Variants in TRIM16 observed in about 807,000 individuals in gnomAD.
The protein encoded by TRIM16 is tripartite motif containing 16, also known as tripartite motif-containing protein 16.
Under a neutral mutation model 50.4 loss-of-function variants are expected in TRIM16, and 33 were observed. The ratio of observed to expected loss-of-function variants is 0.65; its 90% CI spans 0.50 to 0.88. TRIM16 has a LOEUF of 0.88. Among genes scored for constraint, TRIM16 ranks in the 40% least tolerant of loss-of-function variants. The pLI, the probability that TRIM16 is intolerant of heterozygous loss-of-function variation, is 0.00. For missense variants in TRIM16, 581 were observed against 686.8 expected, an observed-to-expected ratio of 0.85 and a Z score of 1.72; for synonymous variants, 229 against 270.7, an observed-to-expected ratio of 0.85 and a Z score of 1.51.
At chr17:15,629,383 A>C (rs1421519877) in intron 11 of TRIM16, among the ~76,000 whole-genome samples, 185 bp from the exon 12 acceptor site, 1 of 152,232 alleles carries the variant, frequency 6.6e-6, no homozygotes, top group Non-Finnish European at 1.5e-5. Context: ...AGAGAGCACA[A>C]ATCATCTACT....
chr17:15,639,149 C>T (rs1424959871), intron 8 of TRIM16, among the ~76,000 whole-genome samples: 2 of 135,600 alleles, frequency 1.5e-5, no homozygotes, highest in Non-Finnish European at 3.1e-5. Context: ...CAGGCTCAAA[C>T]GATCTTCCAC....
chr17:15,665,865 C>A (rs1380160811), intron 6 of TRIM16, among the ~76,000 whole-genome samples: 2 of 152,146 alleles, frequency 1.3e-5, no homozygotes, highest in Non-Finnish European at 2.9e-5. Context: ...GACTTTCTCA[C>A]AGGCACCTTG....
In TRIM16 at chr17:15,651,297, A is replaced by AT. The variant is rs1987687180; in HGVS notation, c.312_313insA (p.Leu105IlefsTer41). 6.2e-7 allele frequency: 1 copy of AT among 1,614,132 alleles called. No individual in the cohort carries two copies. Among genetic ancestry groups the AT allele is most frequent in the African/African-American group, 1.3e-5 (1 of 74,938 alleles). On this transcript the variant is annotated frameshift_variant, in exon 7 of 12. Coordinates refer to ENST00000649191, the MANE Select transcript of TRIM16 (RefSeq NM_001348119.1). LOFTEE classifies it high-confidence loss of function. Reference sequence around the variant, plus strand: ...TTGATGTTCACCTGATGCGGCTGCAAGTGCTCTTCACAGTAATTCACCATG... The same window carrying AT: ...TTGATGTTCACCTGATGCGGCTGCAATGTGCTCTTCACAGTAATTCACCATG...
intron 6 of TRIM16, among the ~76,000 whole-genome samples, chr17:15,669,976 G>C (rs941160228): frequency 6.6e-6 from 1 of 152,150 alleles, no homozygotes; most frequent in Non-Finnish European, 1.5e-5. Context: ...AATCTCCCCT[G>C]GTTGAGAACC....
intron 7 of TRIM16, among the ~76,000 whole-genome samples, chr17:15,647,828 C>T (rs977911292): frequency 6.6e-6 from 1 of 151,030 alleles, no homozygotes; most frequent in African/African-American, 2.5e-5. Context: ...CACACACACA[C>T]ACACACACAC....
intron 3 of TRIM16, 83 bp downstream of exon 3, chr17:15,682,771 C>A (rs1414890348): frequency 1.6e-6 from 2 of 1,273,676 alleles, no homozygotes; most frequent in Non-Finnish European, 2.0e-6. Flanking sequence ...GGAAAGAGTA[C>A]GGAAGTAAGG....
At chr17:15,670,902 T>C (rs1348400234) in intron 6 of TRIM16, among the ~76,000 whole-genome samples, 2 of 152,262 alleles carry the variant, frequency 1.3e-5, no homozygotes, top group Non-Finnish European at 2.9e-5. Context: ...AATATACAAA[T>C]GAATATTGTC....
At chr17:15,674,829 G>T (rs148763736) in intron 6 of TRIM16, among the ~76,000 whole-genome samples, 1 of 152,152 alleles carries the variant, frequency 6.6e-6, no homozygotes. Flanking sequence ...CTCCCGGGGG[G>T]TGATCACAAA....
chr17:15,648,186 G>A (rs1319453928), intron 7 of TRIM16, among the ~76,000 whole-genome samples: 15 of 148,682 alleles, frequency 1.0e-4, no homozygotes, highest in Non-Finnish European at 3.0e-5. Context: ...AGATTGCACC[G>A]CTGCACTCCA....
At chr17:15,671,669 CAA>C (rs775814509) in intron 6 of TRIM16, among the ~76,000 whole-genome samples, 2 of 152,036 alleles carry the variant, frequency 1.3e-5, no homozygotes, top group Non-Finnish European at 2.9e-5. Flanking sequence ...AAGCCCTAAA[CAA>C]AGATAGGTTT....
At chr17:15,642,421 C>A (rs886854194) in intron 8 of TRIM16, among the ~76,000 whole-genome samples, 2 of 148,622 alleles carry the variant, frequency 1.3e-5, no homozygotes, top group Non-Finnish European at 3.0e-5. Flanking sequence ...CCCAGCCCCC[C>A]ACACACATAC....
chr17:15,647,218 C>T lies in TRIM16; in HGVS notation c.519+3873G>A, dbSNP rs1332577719. Among the ~76,000 whole-genome samples the T allele has an allele frequency of 6.0e-5, 9 of 151,016 alleles. No homozygotes were observed. The South Asian group carries it at 6.2e-4, about 10-fold the overall frequency. ...AACTCCTGACCTCAGGTGATCCACC[C>T]GCCTCGGCCTGCCAAAGTGCTGGGA... On this transcript the variant is annotated intron_variant, in intron 7 of 11. Transcript: ENST00000649191.
chr17:15,684,308 A>G lies in TRIM16; in HGVS notation c.-1011T>C, dbSNP rs1231988023. 2 of 152,268 alleles carry G rather than the reference A, an allele frequency of 1.3e-5. No homozygotes were observed. Among genetic ancestry groups the G allele is most frequent in the African/African-American group, 2.4e-5 (1 of 41,462 alleles). The allele number at this position is 152,268 out of a possible 1,614,324, so 9.4% of individuals were successfully genotyped here. A position where few individuals can be genotyped will look rare whatever the true frequency, so the allele number is the denominator to read the frequency against. ...GAGATCCTCCAGAGAAAGGGGCCGGAAACGGAAGTGCGCGCCGAGGCTCCT... is the reference window on the plus strand; with the variant it reads ...GAGATCCTCCAGAGAAAGGGGCCGGGAACGGAAGTGCGCGCCGAGGCTCCT... On this transcript the variant is annotated 5_prime_UTR_variant, in exon 1 of 12. Coordinates refer to ENST00000649191, the MANE Select transcript of TRIM16 (RefSeq NM_001348119.1).
intron 7 of TRIM16, among the ~76,000 whole-genome samples, chr17:15,650,290 TAA>T (rs1443353229): frequency 1.3e-5 from 2 of 152,144 alleles, no homozygotes; most frequent in African/African-American, 4.8e-5. Flanking sequence ...GACTGAAAAC[TAA>T]AAGTGTTCGC....
rs564159656 is a variant in TRIM16 at position 15,675,708 on chromosome 17, T to C, written c.-338+1468A>G. 51 of 187,234 alleles carry C rather than the reference T, an allele frequency of 2.7e-4. No homozygotes were observed. The South Asian group carries it at 6.6e-3, about 24-fold the overall frequency. 11.6% of individuals were successfully genotyped at this position (187,234 alleles called of 1,614,324 possible). A position where few individuals can be genotyped will look rare whatever the true frequency, so the allele number is the denominator to read the frequency against. On this transcript the variant is annotated intron_variant, in intron 6 of 11. Coordinates refer to ENST00000649191, the MANE Select transcript of TRIM16 (RefSeq NM_001348119.1). ...GCCCATGTTACCCAACATCAGAGGATCCACACTGGAGAGAAGCCCTGTGTA... is the reference window on the plus strand; with the variant it reads ...GCCCATGTTACCCAACATCAGAGGACCCACACTGGAGAGAAGCCCTGTGTA...
Position 15,636,159 on chromosome 17 carries a change from T to A in TRIM16, c.726A>T (p.Gln242His), listed in dbSNP as rs1294759463. ...NVMLFLEEKE[Q>H]AALSQANGIK... ...TACCGTTGGCCTGGCTCAGCGCAGC[T>A]TGCTCCTTCTCCTCTAAGAAGAGCA... The change falls in exon 9 of 12, where the codon CAA becomes CAT. Residue 242 changes from glutamine to histidine, a missense_variant. Gln to His is a conservative substitution (Grantham distance 24, BLOSUM62 0). Transcript: ENST00000649191. 1 of 1,609,844 alleles carries A rather than the reference T, an allele frequency of 6.2e-7. No homozygotes were observed.
At chr17:15,679,303 T>A (rs111714644) in intron 4 of TRIM16, among the ~76,000 whole-genome samples, 1,631 of 152,322 alleles carry the variant, frequency 0.011, 30 homozygotes, top group African/African-American at 0.037. Flanking sequence ...TTGTGTAGAA[T>A]GCTCCTGGAT....
chr17:15,662,631 T>C (rs1421012155), intron 6 of TRIM16, among the ~76,000 whole-genome samples: 2 of 152,292 alleles, frequency 1.3e-5, no homozygotes, highest in Non-Finnish European at 2.9e-5. Context: ...TGAGAGCAGA[T>C]CAGCCTTTGA....
At chr17:15,669,478 C>T (rs529278131) in intron 6 of TRIM16, among the ~76,000 whole-genome samples, 1 of 152,254 alleles carries the variant, frequency 6.6e-6, no homozygotes, top group Middle Eastern at 3.4e-3. Context: ...TACATATACA[C>T]GCACAAGCAA....
Sources: gnomAD v4.1 joint callset for allele counts (sites outside exome capture counted in the v4.1 genomes callset) on GRCh38, gnomAD v4.1.1 for gene constraint, MANE v1.5 for transcripts, NCBI Gene and HGNC (gene_info 2026-07-23, HGNC 2026-07-21) for gene names.